Variants in SLC35E4 observed in about 807,000 individuals in gnomAD.
The protein encoded by SLC35E4 is solute carrier family 35, member E4.
In SLC35E4, 15 loss-of-function variants were observed where a neutral mutation model predicts 19.3. That is an observed-to-expected ratio of 0.78 (90% CI 0.52 to 1.20). The LOEUF (loss-of-function observed/expected upper bound fraction) is 1.20, where lower values mean the gene tolerates loss of function less well. SLC35E4 is among the 50% of genes most tolerant of loss of function. SLC35E4 has a pLI of 0.00. For missense variants in SLC35E4, 406 were observed against 472.3 expected (o/e 0.86, Z 1.30); for synonymous variants, 219 against 219.9 (o/e 1.00, Z 0.04).
intron 2 of SLC35E4, chr22:30,653,790 AAATC>A (rs1316453531): frequency 6.6e-6 from 1 of 152,204 alleles, no homozygotes; most frequent in Non-Finnish European, 1.5e-5. Context: ...CTGGAGCCCA[AAATC>A]AATCAAGCCA....
At position 30,636,723 on chromosome 22, in the gene SLC35E4, C is replaced by T. The variant is rs566364550; in HGVS notation, c.273C>T (p.Ala91=). ...CGGCCCTGCACATGCTGGTGGCAGC[C>T]CTGGCATGCCACCGGGGGGCACGGC... ...LLSALHMLVA[A]LACHRGARRP... The change falls in exon 1 of 2, where the codon GCC becomes GCT. Residue 91 remains alanine (A), a synonymous_variant. Coordinates refer to ENST00000343605, the MANE Select transcript of SLC35E4 (RefSeq NM_001001479.4). 4.1e-4 allele frequency: 666 copies of T among 1,611,866 alleles called. 9 individuals are homozygous for T. The South Asian group carries it at 6.5e-3, about 16-fold the overall frequency.
At chr22:30,651,427 A>ATTT (rs1160256288), downstream of SLC35E4, among the ~76,000 whole-genome samples, 40 of 22,168 alleles carry the variant, frequency 1.8e-3, 4 homozygotes, top group Non-Finnish European at 2.2e-3. Flanking sequence ...ATATATATAT[A>ATTT]TTTTTTTTTT....
chr22:30,667,630 T>C (rs9609040), downstream of SLC35E4: 987 of 152,772 alleles, frequency 6.5e-3, 2 homozygotes, highest in Admixed American at 0.012. Context: ...AGGAATAGCC[T>C]GTGCCGGGTC....
chr22:30,647,334 G>A lies in SLC35E4; in HGVS notation c.*303G>A. The A allele has an allele frequency of 2.9e-6, 1 of 345,498 alleles. No individual in the cohort carries two copies. Among genetic ancestry groups the A allele is most frequent in the Non-Finnish European group, 5.3e-6 (1 of 188,964 alleles). The allele number at this position is 345,498 out of a possible 1,614,324, so 21.4% of individuals were successfully genotyped here. A position where few individuals can be genotyped will look rare whatever the true frequency, so the allele number is the denominator to read the frequency against. ...GATCACTTGAGCCCTGGAGATCGAG[G>A]CTGCAGTAAGCCAAGATCGCATGCT... On this transcript the variant is annotated 3_prime_UTR_variant, in exon 2 of 2. Transcript: ENST00000343605.
At position 30,646,750 on chromosome 22, in the gene SLC35E4, A is replaced by G. The variant is rs1206005391; in HGVS notation, c.772A>G (p.Ile258Val). ...TGGCGACTCTCGCCTCTGGGCCTGC[A>G]TCCTGCTCAGCTGCCTCCTGTCTGT... ...TAGDSRLWAC[I>V]LLSCLLSVLY... The change falls in exon 2 of 2, where the codon ATC becomes GTC. Residue 258 changes from isoleucine to valine, a missense_variant. Physicochemically the swap from Ile to Val is conservative, Grantham distance 29. Transcript: ENST00000343605. The G allele has an allele frequency of 5.0e-6, 8 of 1,613,840 alleles. No homozygotes were observed. The highest frequency in any genetic ancestry group is 6.8e-6 in the Non-Finnish European group (8 of 1,179,948).
Position 30,654,277 on chromosome 22 carries a change from C to A in SLC35E4, c.*8+5024C>A, listed in dbSNP as rs144801484. Reference sequence around the variant, plus strand: ...AGGATTACAGGCGTGAGCCACCGCGCCCGGCCATCCCATGAGCTGTTTCTT... The same window carrying A: ...AGGATTACAGGCGTGAGCCACCGCGACCGGCCATCCCATGAGCTGTTTCTT... On this transcript the variant is annotated intron_variant, in intron 2 of 2. Transcript: ENST00000406566. The A allele has an allele frequency of 3.1e-3, 1,380 of 441,150 alleles. 43 individuals carry two copies. In the East Asian group the frequency reaches 0.072, roughly 23 times the overall value. 27.3% of individuals were successfully genotyped at this position (441,150 alleles called of 1,614,324 possible).
downstream of SLC35E4, among the ~76,000 whole-genome samples, chr22:30,666,320 G>C (rs563185338): frequency 6.6e-6 from 1 of 152,208 alleles, no homozygotes; most frequent in Non-Finnish European, 1.5e-5. Flanking sequence ...TTTCATGCTA[G>C]TTAAGAAATA....
In SLC35E4 at chr22:30,647,246, A is replaced by T. The variant is rs982561313; in HGVS notation, c.*215A>T. On this transcript the variant is annotated 3_prime_UTR_variant, in exon 2 of 2. Coordinates refer to ENST00000343605, the MANE Select transcript of SLC35E4 (RefSeq NM_001001479.4). ...AACCTCATCTCTACTAAAAATAGAA[A>T]AATTAGCTGGGCATGGTGGCGCGTG... 8.3e-6 allele frequency: 5 copies of T among 603,778 alleles called. No individual in the cohort carries two copies. Among genetic ancestry groups the T allele is most frequent in the Non-Finnish European group, 1.4e-5 (5 of 354,480 alleles). The allele number at this position is 603,778 out of a possible 1,614,324, so 37.4% of individuals were successfully genotyped here.
At chr22:30,641,814 C>A (rs867314852) in intron 1 of SLC35E4, among the ~76,000 whole-genome samples, 27 of 150,234 alleles carry the variant, frequency 1.8e-4, no homozygotes, top group Middle Eastern at 3.2e-3. Context: ...TCCCTCCGGG[C>A]CTCCCAAAGT....
At chr22:30,668,359 C>G (rs908715724) in exon 3 of SLC35E4, 1 of 152,292 alleles carries the variant, frequency 6.6e-6, no homozygotes, top group Non-Finnish European at 1.5e-5. Flanking sequence ...CAAGGGAGCC[C>G]GAACTCTTTC....
Position 30,636,585 on chromosome 22 carries a change from C to A in SLC35E4, c.135C>A (p.Gly45=). 7 of 1,597,584 alleles carry A rather than the reference C, an allele frequency of 4.4e-6. No homozygotes were observed. Among genetic ancestry groups the A allele is most frequent in the Non-Finnish European group, 5.1e-6 (6 of 1,172,590 alleles). Reference sequence around the variant, plus strand: ...GCCCTCAGGCCCTCCGGCAGCCTGGCCGGGCCCGAGTGGCCATGGCAGCAC... The same window carrying A: ...GCCCTCAGGCCCTCCGGCAGCCTGGACGGGCCCGAGTGGCCATGGCAGCAC... ...PGSPQALRQP[G]RARVAMAALV... is the part of the protein sequence containing the mutation. The change falls in exon 1 of 2, where the codon GGC becomes GGA. Residue 45 remains glycine, a synonymous_variant. Coordinates refer to ENST00000343605, the MANE Select transcript of SLC35E4 (RefSeq NM_001001479.4).
Position 30,647,820 on chromosome 22 carries a change from C to A in SLC35E4, c.*789C>A, listed in dbSNP as rs1178333901. 6.6e-6 allele frequency: 1 copy of A among 152,264 alleles called. No homozygotes were observed. Among genetic ancestry groups the A allele is most frequent in the Non-Finnish European group, 1.5e-5 (1 of 68,102 alleles). 9.4% of individuals were successfully genotyped at this position (152,264 alleles called of 1,614,324 possible). ...TGGGGTAGTCTGTGCCAACTCCAGGCAGCTGCTGTGGCCTCACCCCTGGGC... is the reference window on the plus strand; with the variant it reads ...TGGGGTAGTCTGTGCCAACTCCAGGAAGCTGCTGTGGCCTCACCCCTGGGC... On this transcript the variant is annotated 3_prime_UTR_variant, in exon 2 of 2. Coordinates refer to ENST00000343605, the MANE Select transcript of SLC35E4 (RefSeq NM_001001479.4).
exon 3 of SLC35E4, chr22:30,668,348 G>C (rs1331384930): frequency 6.6e-6 from 1 of 152,272 alleles, no homozygotes; most frequent in African/African-American, 2.4e-5. Context: ...TCTCGGACCC[G>C]CAAGGGAGCC....
In SLC35E4 at chr22:30,636,404, G is replaced by C; in HGVS notation, c.-47G>C. ...AAGCGGAACTCTCTGGTGGCCCAGA[G>C]GTCGTCACTGGGGAGCCCGCCTCCT... On this transcript the variant is annotated 5_prime_UTR_variant, in exon 1 of 2. Coordinates refer to ENST00000343605, the MANE Select transcript of SLC35E4 (RefSeq NM_001001479.4). 4.9e-6 allele frequency: 7 copies of C among 1,443,158 alleles called. No homozygotes were observed. Among genetic ancestry groups the C allele is most frequent in the Non-Finnish European group, 6.4e-6 (7 of 1,097,664 alleles). The allele number at this position is 1,443,158 out of a possible 1,614,324, so 89.4% of individuals were successfully genotyped here.
intron 2 of SLC35E4, among the ~76,000 whole-genome samples, chr22:30,659,901 G>T (rs1197563643): frequency 6.6e-6 from 1 of 152,210 alleles, no homozygotes; most frequent in African/African-American, 2.4e-5. Context: ...AGTATTTAAA[G>T]TGTGAGAAGA....
At chr22:30,667,164 T>C (rs1182133615), downstream of SLC35E4, 1 of 152,154 alleles carries the variant, frequency 6.6e-6, no homozygotes, top group Non-Finnish European at 1.5e-5. Flanking sequence ...CAGACCGGCG[T>C]CTAGAGTTAA....
downstream of SLC35E4, among the ~76,000 whole-genome samples, chr22:30,650,138 C>A (rs1393929999): frequency 6.7e-6 from 1 of 149,080 alleles, no homozygotes; most frequent in African/African-American, 2.5e-5. Context: ...TCAAGACCAG[C>A]CTGGCCAACA....
chr22:30,656,641 A>AC (rs1436346089), intron 2 of SLC35E4, among the ~76,000 whole-genome samples: 1 of 152,080 alleles, frequency 6.6e-6, no homozygotes, highest in Non-Finnish European at 1.5e-5. Context: ...CCTCAACATG[A>AC]CCTTCTTCCT....
chr22:30,643,614 G>A (rs1445201614), intron 1 of SLC35E4, among the ~76,000 whole-genome samples: 2 of 152,010 alleles, frequency 1.3e-5, no homozygotes, highest in South Asian at 2.1e-4. Flanking sequence ...GGGGTGAGCC[G>A]GCATCAAGGA....
Sources: allele counts gnomAD v4.1 joint callset (sites outside exome capture counted in the v4.1 genomes callset), GRCh38; gene constraint gnomAD v4.1.1; transcripts MANE v1.5; gene names NCBI Gene and HGNC (gene_info 2026-07-23, HGNC 2026-07-21).